DOCK5: variants seen among roughly 807,000 people sequenced by gnomAD.
DOCK5 encodes the protein dedicator of cytokinesis 5.
DOCK5 carries 142 observed loss-of-function variants against 251.8 expected under a neutral mutation model. The observed-to-expected ratio is 0.56, with a 90% CI of 0.49 to 0.65. The LOEUF is 0.65. Ranked by LOEUF, DOCK5 falls within the 30% of genes least tolerant of loss-of-function variation. The pLI, the probability that DOCK5 is intolerant of heterozygous loss-of-function variation, is 0.00. For missense variants in DOCK5, 2,111 were observed against 2,312.3 expected, an observed-to-expected ratio of 0.91 and a Z score of 1.79; for synonymous variants, 842 against 835.5, an observed-to-expected ratio of 1.01 and a Z score of -0.13.
chr8:25,282,072 CCTG>C (rs1185182119), intron 5 of DOCK5, among the ~76,000 whole-genome samples: 3 of 152,070 alleles, frequency 2.0e-5, no homozygotes, highest in Non-Finnish European at 4.4e-5. Context: ...GACTGAGAAA[CCTG>C]CTTCTGCTCT....
rs1021560368 is a variant in DOCK5, at chr8:25,368,130, T to C, written c.3225-62T>C. The C allele has an allele frequency of 3.5e-5, 45 of 1,293,570 alleles. No homozygotes were observed. In the East Asian group the frequency reaches 5.0e-4, roughly 14 times the overall value. 80.1% of individuals were successfully genotyped at this position (1,293,570 alleles called of 1,614,324 possible). A position where few individuals can be genotyped will look rare whatever the true frequency, so the allele number is the denominator to read the frequency against. On this transcript the variant is annotated intron_variant, in intron 31 of 51. Transcript: ENST00000276440. The stretch of plus-strand genomic sequence containing the variant: ...CAGACTGTTTTTACTTTCCTTCTTA[T>C]TGTGTTTATGCAATTCATTTCTACT...
intron 18 of DOCK5, among the ~76,000 whole-genome samples, chr8:25,326,702 G>A (rs1805572955): frequency 6.6e-6 from 1 of 152,158 alleles, no homozygotes; most frequent in Non-Finnish European, 1.5e-5. Context: ...CAGACCCTTT[G>A]AGCCTGTGAT....
intron 2 of DOCK5, among the ~76,000 whole-genome samples, chr8:25,267,401 G>A (rs1258779243): frequency 1.3e-5 from 2 of 152,120 alleles, no homozygotes; most frequent in African/African-American, 4.8e-5. Context: ...CAATATTTGT[G>A]AAAATATTAT....
At chr8:25,254,997 A>C (rs1168840615) in intron 2 of DOCK5, among the ~76,000 whole-genome samples, 2 of 152,108 alleles carry the variant, frequency 1.3e-5, no homozygotes, top group Admixed American at 6.5e-5. Flanking sequence ...AAATTAAAGT[A>C]ATGAGATACT....
chr8:25,387,995 C>CTTGA (rs1339171454), intron 40 of DOCK5, among the ~76,000 whole-genome samples: 1 of 152,186 alleles, frequency 6.6e-6, no homozygotes, highest in Admixed American at 6.5e-5. Context: ...TTTCAACAGG[C>CTTGA]TTGAGTCCCA....
chr8:25,305,435 C>T (rs1038928654), intron 11 of DOCK5: 5 of 151,466 alleles, frequency 3.3e-5, no homozygotes, highest in Admixed American at 6.6e-5. Flanking sequence ...AAAATATTAA[C>T]GGGAAAATAG....
At chr8:25,377,524 C>A in intron 38 of DOCK5, 100 bp downstream of exon 38, 18 of 1,409,982 alleles carry the variant, frequency 1.3e-5, no homozygotes, top group Non-Finnish European at 1.6e-5. Context: ...CACTGACTAC[C>A]CAGGTTCAGG....
intron 13 of DOCK5, among the ~76,000 whole-genome samples, chr8:25,314,359 T>A (rs955190231): frequency 3.3e-5 from 5 of 151,378 alleles, no homozygotes; most frequent in Non-Finnish European, 7.4e-5. Context: ...GCTCAAGCAG[T>A]CCTCTTGCCT....
chr8:25,410,416 T>C (rs1190815151), intron 51 of DOCK5, among the ~76,000 whole-genome samples: 1 of 151,938 alleles, frequency 6.6e-6, no homozygotes, highest in South Asian at 2.1e-4. Context: ...AGGTGTTCTC[T>C]GTACCTCGTC....
intron 1 of DOCK5, among the ~76,000 whole-genome samples, chr8:25,226,260 T>G (rs1442606633): frequency 8.8e-6 from 1 of 114,230 alleles, no homozygotes; most frequent in Non-Finnish European, 1.7e-5. Context: ...ATAGGCTGCT[T>G]TTTTTTTTTT....
At chr8:25,333,953 A>G (rs1805741240) in intron 20 of DOCK5, 143 bp from the exon 21 acceptor site, 1 of 649,316 alleles carries the variant, frequency 1.5e-6, no homozygotes, top group African/African-American at 1.8e-5. Flanking sequence ...TCAAGACTTG[A>G]CATCAGCTCT....
chr8:25,302,313 C>G lies in DOCK5; in HGVS notation c.847-12C>G, dbSNP rs2117168682. The G allele has an allele frequency of 6.3e-7, 1 of 1,592,396 alleles. No homozygotes were observed. Among genetic ancestry groups the G allele is most frequent in the South Asian group, 1.1e-5 (1 of 88,610 alleles). On this transcript the variant is annotated splice_polypyrimidine_tract_variant and intron_variant, in intron 9 of 51. Coordinates refer to ENST00000276440, the MANE Select transcript of DOCK5 (RefSeq NM_024940.8). ...AGCCCCACCTCCTCTCACACTTTCT[C>G]TGCCCCTTTAGGACCTTAGCAGCAT...
chr8:25,372,870 C>T (rs996929007), intron 35 of DOCK5, among the ~76,000 whole-genome samples, 152 bp downstream of exon 35: 2 of 152,184 alleles, frequency 1.3e-5, no homozygotes, highest in African/African-American at 4.8e-5. Flanking sequence ...GAATGGCTGG[C>T]TCAGCTCACA....
At chr8:25,342,980 C>T (rs1182920006) in intron 25 of DOCK5, among the ~76,000 whole-genome samples, 1 of 151,900 alleles carries the variant, frequency 6.6e-6, no homozygotes, top group African/African-American at 2.4e-5. Context: ...GTTGGGATTA[C>T]AGGCGTGAGC....
In DOCK5 at chr8:25,325,462, G is replaced by A; in HGVS notation, c.1818G>A (p.Leu606=). Residue 606 remains leucine, a synonymous_variant, in exon 18 of 52, where the codon CTG becomes CTA. Transcript: ENST00000276440. ...EEKELQASKN[L]VTFTPSKDST... is the part of the protein sequence containing the mutation. ...AAGAGCTTCAAGCATCCAAAAACCT[G>A]GTCACCTTCACCCCAAGCAAGGATA... 6.2e-7 allele frequency: 1 copy of A among 1,613,834 alleles called. No homozygotes were observed. The highest frequency in any genetic ancestry group is 2.2e-5 in the East Asian group (1 of 44,858).
intron 40 of DOCK5, among the ~76,000 whole-genome samples, chr8:25,384,465 T>TTATTTTTTA (rs896279959): frequency 1.0e-5 from 1 of 96,426 alleles, no homozygotes; most frequent in African/African-American, 3.4e-5. Flanking sequence ...ATTTATTTAT[T>TTATTTTTTA]TTTTTTTTTT....
intron 1 of DOCK5, among the ~76,000 whole-genome samples, chr8:25,218,794 C>T (rs962639755): frequency 4.6e-5 from 7 of 152,098 alleles, no homozygotes; most frequent in Admixed American, 2.0e-4. Context: ...AAGGCTAGAG[C>T]AGGAAGACAA....
chr8:25,207,674 G>A (rs1802034088), intron 1 of DOCK5, among the ~76,000 whole-genome samples: 1 of 152,210 alleles, frequency 6.6e-6, no homozygotes, highest in South Asian at 2.1e-4. Flanking sequence ...AGAAAAAGAA[G>A]ATTCCTTGAT....
At chr8:25,396,687 G>A (rs377186816) in intron 45 of DOCK5, among the ~76,000 whole-genome samples, 8 of 152,124 alleles carry the variant, frequency 5.3e-5, no homozygotes, top group South Asian at 2.1e-4. Context: ...CTGTGGAGCC[G>A]CCTGGAGAGT....
Sources: allele counts gnomAD v4.1 joint callset (sites outside exome capture counted in the v4.1 genomes callset), GRCh38; gene constraint gnomAD v4.1.1; transcripts MANE v1.5; gene names NCBI Gene and HGNC (gene_info 2026-07-23, HGNC 2026-07-21).